Variants in LZTFL1 observed in about 807,000 individuals in gnomAD.
The protein encoded by LZTFL1 is leucine zipper transcription factor-like protein 1.
A neutral mutation model predicts 45.9 loss-of-function variants in LZTFL1; 25 were observed. The ratio of observed to expected loss-of-function variants is 0.54; its 90% CI spans 0.40 to 0.76. The LOEUF (loss-of-function observed/expected upper bound fraction) is 0.76, where lower values mean the gene tolerates loss of function less well. Among genes scored for constraint, LZTFL1 ranks in the 30% least tolerant of loss-of-function variants. LZTFL1 has a pLI of 0.00. For missense variants in LZTFL1, 277 were observed against 331.1 expected, an observed-to-expected ratio of 0.84 and a Z score of 1.27; for synonymous variants, 93 against 117.4, an observed-to-expected ratio of 0.79 and a Z score of 1.35.
intron 4 of LZTFL1, among the ~76,000 whole-genome samples, chr3:45,852,538 A>G (rs1228466325): frequency 1.3e-5 from 2 of 152,220 alleles, no homozygotes; most frequent in African/African-American, 4.8e-5. Context: ...AAATTTCCAT[A>G]GTATATAGTG....
intron 2 of LZTFL1, among the ~76,000 whole-genome samples, chr3:45,862,468 G>A (rs1701506753): frequency 6.9e-6 from 1 of 145,784 alleles, no homozygotes; most frequent in African/African-American, 2.4e-5. Context: ...GGGCATGGAG[G>A]AGATGGGATT....
At chr3:45,870,906 G>A (rs1575280075) in intron 2 of LZTFL1, among the ~76,000 whole-genome samples, 2 of 152,202 alleles carry the variant, frequency 1.3e-5, no homozygotes, top group East Asian at 3.9e-4. Context: ...CCAGACAAAT[G>A]GATAATACTT....
intron 2 of LZTFL1, among the ~76,000 whole-genome samples, chr3:45,887,074 T>A (rs1185002482): frequency 1.3e-5 from 2 of 152,110 alleles, no homozygotes; most frequent in Admixed American, 6.5e-5. Context: ...AGGAGGCGAA[T>A]GGTTAAATGA....
chr3:45,826,149 T>C lies in LZTFL1; in HGVS notation c.*165A>G. 3 of 636,278 alleles carry C rather than the reference T, an allele frequency of 4.7e-6. No individual in the cohort carries two copies. Among genetic ancestry groups the C allele is most frequent in the East Asian group, 5.5e-5 (2 of 36,218 alleles). 39.4% of individuals were successfully genotyped at this position (636,278 alleles called of 1,614,324 possible). ...CCAGACAGAATCACTAGGTTTTCTC[T>C]GTTTTCAACTAGCTGAAAATAGGAA... is the stretch of plus-strand genomic sequence containing the variant. On this transcript the variant is annotated 3_prime_UTR_variant, in exon 10 of 10. Coordinates refer to ENST00000296135, the MANE Select transcript of LZTFL1 (RefSeq NM_020347.4).
chr3:45,842,891 A>T (rs950406734), upstream of LZTFL1, among the ~76,000 whole-genome samples: 2 of 152,236 alleles, frequency 1.3e-5, no homozygotes, highest in African/African-American at 4.8e-5. Flanking sequence ...CTGGCTTGGA[A>T]GGACAAGTGT....
At chr3:45,841,864 G>A in intron 1 of LZTFL1, 125 bp downstream of exon 1, 1 of 1,275,754 alleles carries the variant, frequency 7.8e-7, no homozygotes. Flanking sequence ...CCTTCTCAGG[G>A]AGGCTGAGGT....
chr3:45,870,990 A>G (rs1016678707), intron 2 of LZTFL1, among the ~76,000 whole-genome samples: 11 of 152,242 alleles, frequency 7.2e-5, no homozygotes, highest in Non-Finnish European at 4.4e-5. Context: ...TTATTTGTTC[A>G]GAAACATGCC....
In LZTFL1 at chr3:45,834,254, G is replaced by A; in HGVS notation, c.368C>T (p.Thr123Ile). ...QVAEFEKAEI[T>I]SSNKKPILDV... ...AAAAGTTACCTTTTTGTTTGAAGAT[G>A]TAATCTCTGCTTTTTCAAATTCTGC... Residue 123 changes from threonine to isoleucine, a missense_variant, in exon 4 of 10, where the codon ACA (threonine) becomes ATA (isoleucine). By Grantham distance (89) the Thr-to-Ile change is moderately conservative. Transcript: ENST00000296135. The A allele has an allele frequency of 6.3e-7, 1 of 1,593,876 alleles. No homozygotes were observed. The highest frequency in any genetic ancestry group is 8.6e-7 in the Non-Finnish European group (1 of 1,163,654).
chr3:45,848,898 T>G (rs913424933), intron 4 of LZTFL1, among the ~76,000 whole-genome samples: 1 of 152,348 alleles, frequency 6.6e-6, no homozygotes, highest in Non-Finnish European at 1.5e-5. Flanking sequence ...TTTTTTCAAA[T>G]AGTCAAAAAT....
At chr3:45,860,736 T>C (rs1292846237) in intron 2 of LZTFL1, among the ~76,000 whole-genome samples, 2 of 152,182 alleles carry the variant, frequency 1.3e-5, no homozygotes, top group African/African-American at 4.8e-5. Context: ...GGGTGGAGCT[T>C]TGGAGTGTAG....
intron 2 of LZTFL1, among the ~76,000 whole-genome samples, chr3:45,861,211 GAAA>G (rs5848773): frequency 3.9e-5 from 5 of 127,582 alleles, no homozygotes; most frequent in Admixed American, 3.9e-4. Flanking sequence ...GAAGCAAAAC[GAAA>G]AAAAAAAAAA....
chr3:45,888,217 C>T (rs991593720), intron 2 of LZTFL1, among the ~76,000 whole-genome samples: 2 of 152,220 alleles, frequency 1.3e-5, no homozygotes, highest in Admixed American at 1.3e-4. Context: ...TGCTTTCTGA[C>T]TTTCATGCCT....
At chr3:45,875,740 C>T (rs993165619) in intron 2 of LZTFL1, among the ~76,000 whole-genome samples, 2 of 152,138 alleles carry the variant, frequency 1.3e-5, no homozygotes, top group East Asian at 1.9e-4. Flanking sequence ...GAAGATCAAA[C>T]GTGAAAATTA....
At position 45,827,453 on chromosome 3, in the gene LZTFL1, C is replaced by T; in HGVS notation, c.784G>A (p.Glu262Lys). 1 of 1,601,594 alleles carries T rather than the reference C, an allele frequency of 6.2e-7. No homozygotes were observed. The highest frequency in any genetic ancestry group is 8.6e-7 in the Non-Finnish European group (1 of 1,169,022). The change falls in exon 9 of 10, where the codon GAA becomes AAA. Residue 262 changes from glutamate to lysine, a missense_variant. Coordinates refer to ENST00000296135, the MANE Select transcript of LZTFL1 (RefSeq NM_020347.4). ...GCTGCTGTTTGCTGAAATTTCTTTT[C>T]TAATTCCTGCTTAGTAAAAAATGTC... The part of the protein sequence containing the change: ...EQLHMAEKEL[E>K]KKFQQTAAYR...
chr3:45,880,576 G>A (rs1701839223), intron 2 of LZTFL1, among the ~76,000 whole-genome samples: 1 of 152,136 alleles, frequency 6.6e-6, no homozygotes, highest in Non-Finnish European at 1.5e-5. Context: ...CTGGCATCAG[G>A]TGAAAACTAC....
intron 4 of LZTFL1, among the ~76,000 whole-genome samples, chr3:45,849,702 A>G (rs777334497): frequency 5.9e-5 from 9 of 152,238 alleles, no homozygotes; most frequent in Admixed American, 1.3e-4. Context: ...TCTTCATTAA[A>G]TCATCCACAA....
At chr3:45,885,393 G>A (rs1295699197) in intron 2 of LZTFL1, among the ~76,000 whole-genome samples, 2 of 152,174 alleles carry the variant, frequency 1.3e-5, no homozygotes, top group East Asian at 3.8e-4. Flanking sequence ...CATTAAAAAT[G>A]CAATATTTTG....
intron 2 of LZTFL1, among the ~76,000 whole-genome samples, chr3:45,873,940 C>G (rs919770878): frequency 6.6e-6 from 1 of 152,144 alleles, no homozygotes; most frequent in Non-Finnish European, 1.5e-5. Context: ...GTGATGGCTC[C>G]CTCTGCTTCC....
intron 2 of LZTFL1, among the ~76,000 whole-genome samples, chr3:45,907,388 C>T (rs1488823852): frequency 1.3e-5 from 2 of 152,228 alleles, no homozygotes; most frequent in Non-Finnish European, 2.9e-5. Context: ...CACCAGCGGC[C>T]CTCGCTCAGG....
Sources: gnomAD v4.1 joint callset for allele counts (sites outside exome capture counted in the v4.1 genomes callset) on GRCh38, gnomAD v4.1.1 for gene constraint, MANE v1.5 for transcripts, NCBI Gene and HGNC (gene_info 2026-07-23, HGNC 2026-07-21) for gene names.